DCDC2: variants seen among roughly 807,000 people sequenced by gnomAD.
DCDC2 encodes the protein doublecortin domain-containing protein 2.
In DCDC2, 40 loss-of-function variants were observed where a neutral mutation model predicts 50.2. The observed-to-expected ratio is 0.80, with a 90% CI of 0.62 to 1.04. DCDC2 has a LOEUF of 1.04. DCDC2 is among the 50% of genes least tolerant of loss of function. The pLI is 0.00. For missense variants in DCDC2, 570 were observed against 581.9 expected, an observed-to-expected ratio of 0.98 and a Z score of 0.21; for synonymous variants, 234 against 210.6, an observed-to-expected ratio of 1.11 and a Z score of -0.96.
intron 7 of DCDC2, among the ~76,000 whole-genome samples, chr6:24,255,807 C>T (rs1001914071): frequency 6.6e-6 from 1 of 152,120 alleles, no homozygotes; most frequent in African/African-American, 2.4e-5. Flanking sequence ...TCATACATGG[C>T]TTTCAGGAGT....
At chr6:24,276,255 G>A (rs1318221078) in intron 7 of DCDC2, among the ~76,000 whole-genome samples, 4 of 152,084 alleles carry the variant, frequency 2.6e-5, no homozygotes, top group African/African-American at 9.7e-5. Context: ...TTTTACAAAT[G>A]AGATAACCTG....
intron 2 of DCDC2, among the ~76,000 whole-genome samples, chr6:24,350,448 T>C (rs1181791683): frequency 2.0e-5 from 3 of 152,140 alleles, no homozygotes; most frequent in Admixed American, 6.5e-5. Context: ...CCGTATAAAA[T>C]GTACTCGGAA....
intron 7 of DCDC2, among the ~76,000 whole-genome samples, chr6:24,260,369 T>TA (rs1762983301): frequency 6.6e-6 from 1 of 152,362 alleles, no homozygotes; most frequent in African/African-American, 2.4e-5. Context: ...TCTCCTTACA[T>TA]AGATACTGCC....
rs185967043 is a variant in DCDC2, at chr6:24,242,533, C to T, written c.922+35516G>A. Among the ~76,000 whole-genome samples the T allele has an allele frequency of 4.6e-5, 7 of 152,288 alleles. No homozygotes were observed. The East Asian group carries it at 7.7e-4, about 17-fold the overall frequency. ...CTCCGTGTCCTCCCACTCCACCCAC[C>T]GCCAGCCTCTGTGAGAGTATTTACC... is the stretch of plus-strand genomic sequence containing the variant. On this transcript the variant is annotated intron_variant, in intron 7 of 9. Coordinates refer to ENST00000378454, the MANE Select transcript of DCDC2 (RefSeq NM_016356.5).
chr6:24,180,696 T>C (rs902990249), intron 8 of DCDC2, among the ~76,000 whole-genome samples: 1 of 152,106 alleles, frequency 6.6e-6, no homozygotes, highest in East Asian at 1.9e-4. Context: ...TCTCCTTCCC[T>C]GTAAAATGAG....
At chr6:24,297,641 C>G (rs2113835244) in intron 4 of DCDC2, among the ~76,000 whole-genome samples, 1 of 151,944 alleles carries the variant, frequency 6.6e-6, no homozygotes, top group East Asian at 1.9e-4. Flanking sequence ...ACCTTTGTGT[C>G]CTTTTTATTA....
chr6:24,378,336 G>A, the DCDC2 span, among the ~76,000 whole-genome samples: 422 of 152,238 alleles, frequency 2.8e-3, 1 homozygote, highest in Middle Eastern at 0.017. Flanking sequence ...GACTACTGGA[G>A]CAGCATCATC....
intron 7 of DCDC2, among the ~76,000 whole-genome samples, chr6:24,224,901 GT>G (rs887513680): frequency 2.6e-5 from 4 of 152,200 alleles, no homozygotes; most frequent in African/African-American, 9.6e-5. Flanking sequence ...TAAAGAGGAA[GT>G]TTTAAGGGAA....
chr6:24,326,877 C>T (rs1759878203), intron 2 of DCDC2, among the ~76,000 whole-genome samples: 1 of 147,306 alleles, frequency 6.8e-6, no homozygotes, highest in Non-Finnish European at 1.5e-5. Flanking sequence ...AAAAAAAATG[C>T]ATAAAAATGT....
chr6:24,349,696 A>G (rs1266074098), intron 2 of DCDC2, among the ~76,000 whole-genome samples: 5 of 152,356 alleles, frequency 3.3e-5, no homozygotes, highest in African/African-American at 1.2e-4. Flanking sequence ...GAGATGAGTT[A>G]CCACGGTCAG....
At chr6:24,305,173 G>A (rs1759449474) in intron 2 of DCDC2, among the ~76,000 whole-genome samples, 1 of 152,178 alleles carries the variant, frequency 6.6e-6, no homozygotes, top group Non-Finnish European at 1.5e-5. Context: ...ATACATGATT[G>A]TTGAAATAAT....
chr6:24,285,395 AT>A (rs1176289842), intron 6 of DCDC2, among the ~76,000 whole-genome samples: 2 of 150,520 alleles, frequency 1.3e-5, no homozygotes, highest in African/African-American at 4.9e-5. Flanking sequence ...TTTTTCTTTT[AT>A]TGTCTTTCAT....
chr6:24,257,320 T>C (rs1762914962), intron 7 of DCDC2, among the ~76,000 whole-genome samples: 1 of 152,274 alleles, frequency 6.6e-6, no homozygotes, highest in Non-Finnish European at 1.5e-5. Context: ...TCAGAGAGCT[T>C]TGTGTTATAA....
intron 7 of DCDC2, among the ~76,000 whole-genome samples, chr6:24,215,088 T>C (rs1352527109): frequency 1.3e-5 from 2 of 152,042 alleles, no homozygotes; most frequent in African/African-American, 2.4e-5. Context: ...TGTAAGCTGT[T>C]AAGACAGTGC....
At chr6:24,314,803 G>T (rs1759632357) in intron 2 of DCDC2, among the ~76,000 whole-genome samples, 1 of 152,018 alleles carries the variant, frequency 6.6e-6, no homozygotes, top group African/African-American at 2.4e-5. Flanking sequence ...CGGAAGATCA[G>T]AAACCCTTCC....
At chr6:24,263,091 G>T (rs1661208785) in intron 7 of DCDC2, among the ~76,000 whole-genome samples, 1 of 152,238 alleles carries the variant, frequency 6.6e-6, no homozygotes, top group South Asian at 2.1e-4. Context: ...TGGTAATGCA[G>T]GGAATTCTCT....
chr6:24,251,512 G>A (rs1033916023), intron 7 of DCDC2, among the ~76,000 whole-genome samples: 53 of 152,234 alleles, frequency 3.5e-4, no homozygotes, highest in South Asian at 6.2e-4. Context: ...CTCTGCGGGA[G>A]CCCTTCCATA....
intron 7 of DCDC2, among the ~76,000 whole-genome samples, chr6:24,207,393 A>G (rs748270747): frequency 1.5e-4 from 23 of 151,772 alleles, no homozygotes; most frequent in Middle Eastern, 3.4e-3. Flanking sequence ...AGCATTTCTC[A>G]TGTCACTAAA....
At chr6:24,270,468 G>GCA (rs201676638) in intron 7 of DCDC2, among the ~76,000 whole-genome samples, 3 of 151,898 alleles carry the variant, frequency 2.0e-5, no homozygotes, top group East Asian at 1.9e-4. Context: ...TGACCTACAT[G>GCA]CACACACACA....
Sources: gnomAD v4.1 joint callset for allele counts (sites outside exome capture counted in the v4.1 genomes callset) on GRCh38, gnomAD v4.1.1 for gene constraint, MANE v1.5 for transcripts, NCBI Gene and HGNC (gene_info 2026-07-23, HGNC 2026-07-21) for gene names.